CEMIP: variants seen among roughly 807,000 people sequenced by gnomAD.
The protein encoded by CEMIP is cell migration-inducing and hyaluronan-binding protein.
A neutral mutation model predicts 156.9 loss-of-function variants in CEMIP; 105 were observed. The ratio of observed to expected loss-of-function variants is 0.67; its 90% CI spans 0.57 to 0.79. The LOEUF (loss-of-function observed/expected upper bound fraction) is 0.79. CEMIP is among the 30% of genes least tolerant of loss of function. CEMIP has a pLI of 0.00. For synonymous variants in CEMIP, 676 were observed against 668.4 expected (o/e 1.01, Z -0.17); for missense variants, 1,457 against 1,769.4 (o/e 0.82, Z 3.17).
chr15:80,836,158 A>C lies in CEMIP; in HGVS notation c.-175-37380A>C, dbSNP rs1897266541. ...CTTGGAAAATTTCTCCACCCTATCC[A>C]CTGTTAGTGCATTTTCCTGGCCTTA... is the stretch of plus-strand genomic sequence containing the variant. On this transcript the variant is annotated intron_variant, in intron 1 of 29. Coordinates refer to ENST00000394685, the MANE Select transcript of CEMIP (RefSeq NM_001293298.2). 2.0e-5 allele frequency among the ~76,000 whole-genome samples: 3 copies of C among 149,050 alleles called. No homozygotes were observed. In the South Asian group the frequency reaches 6.3e-4, roughly 32 times the overall value.
At chr15:80,918,027 C>T (rs1900336129) in intron 14 of CEMIP, among the ~76,000 whole-genome samples, 1 of 152,148 alleles carries the variant, frequency 6.6e-6, no homozygotes, top group Non-Finnish European at 1.5e-5. Context: ...GTAATCCTAG[C>T]ACTTTGGGAG....
chr15:80,887,138 C>A (rs549027635), intron 7 of CEMIP, among the ~76,000 whole-genome samples: 1 of 152,302 alleles, frequency 6.6e-6, no homozygotes, highest in South Asian at 2.1e-4. Flanking sequence ...GATGGATGTA[C>A]AATTTTTCAA....
chr15:80,860,537 C>A (rs1378562696), intron 1 of CEMIP, among the ~76,000 whole-genome samples: 1 of 152,186 alleles, frequency 6.6e-6, no homozygotes, highest in African/African-American at 2.4e-5. Context: ...TTTATTTAAG[C>A]CAGCACGGCA....
At chr15:80,926,819 TGG>T (rs573787196) in intron 19 of CEMIP, among the ~76,000 whole-genome samples, 261 of 23,298 alleles carry the variant, frequency 0.011, 2 homozygotes, top group African/African-American at 0.021. Context: ...ACTGAGCGGG[TGG>T]GGGGGGGGGG....
chr15:80,909,862 T>G (rs947964346), intron 14 of CEMIP: 34 of 344,882 alleles, frequency 9.9e-5, no homozygotes, highest in East Asian at 8.2e-4. Context: ...GTGAACTACA[T>G]TTCTATCCTC....
At chr15:80,922,294 C>T (rs1395223994) in intron 17 of CEMIP, among the ~76,000 whole-genome samples, 157 bp downstream of exon 17, 5 of 152,230 alleles carry the variant, frequency 3.3e-5, no homozygotes, top group African/African-American at 1.2e-4. Context: ...GCGAGGCCTC[C>T]CAGGCCATTG....
chr15:80,845,608 C>A (rs944632127), intron 1 of CEMIP, among the ~76,000 whole-genome samples: 1 of 152,184 alleles, frequency 6.6e-6, no homozygotes, highest in Non-Finnish European at 1.5e-5. Context: ...CTTCTCTGGT[C>A]TCCTTCTCCT....
intron 1 of CEMIP, among the ~76,000 whole-genome samples, chr15:80,813,295 G>A (rs1266646588): frequency 1.3e-5 from 2 of 151,872 alleles, no homozygotes; most frequent in African/African-American, 2.4e-5. Flanking sequence ...TGTTCAGCAA[G>A]TGTTAGCTGC....
chr15:80,894,222 G>A (rs6650527), intron 10 of CEMIP, among the ~76,000 whole-genome samples: 49 of 152,268 alleles, frequency 3.2e-4, no homozygotes, highest in African/African-American at 1.1e-3. Context: ...GACATTAGGC[G>A]GCTTCCACCT....
At chr15:80,788,297 G>T (rs1213947667) in intron 1 of CEMIP, among the ~76,000 whole-genome samples, 2 of 151,698 alleles carry the variant, frequency 1.3e-5, no homozygotes, top group Non-Finnish European at 2.9e-5. Context: ...ATGGTGAAAT[G>T]CTGTCTCTAC....
Position 80,889,514 on chromosome 15 carries a change from G to C in CEMIP, c.1008G>C (p.Gln336His). Reference sequence around the variant, plus strand: ...GGTTCGATCATGATAAAGTATCTCAGACTAAAGGTGGGGAGAAAATTTCAG... The same window carrying C: ...GGTTCGATCATGATAAAGTATCTCACACTAAAGGTGGGGAGAAAATTTCAG... Reference protein sequence around the residue: ...TEWFDHDKVSQTKGGEKISDL... With the variant: ...TEWFDHDKVSHTKGGEKISDL... Residue 336 changes from glutamine (Q) to histidine (H), a missense_variant, in exon 10 of 30, where the codon CAG becomes CAC. Gln to His is a conservative substitution (Grantham distance 24). Around this residue, in one of 5 missense-constraint regions of CEMIP, gnomAD observed 280 missense variants for 300.3 expected, o/e 0.93. Transcript: ENST00000394685. 1 of 1,614,156 alleles carries C rather than the reference G, an allele frequency of 6.2e-7. No individual in the cohort carries two copies.
At position 80,888,812 on chromosome 15, in the gene CEMIP, C is replaced by G; in HGVS notation, c.964+16C>G. On this transcript the variant is annotated intron_variant, in intron 9 of 29. Transcript: ENST00000394685. ...TGGGTTCAAGGTGAGGAGTTTCAGA[C>G]AATTTGGTGACACCTAACAGTGGGA... The G allele has an allele frequency of 6.3e-7, 1 of 1,598,832 alleles. No individual in the cohort carries two copies. The highest frequency in any genetic ancestry group is 1.3e-5 in the African/African-American group (1 of 74,698).
chr15:80,789,989 A>G (rs1418554829), intron 1 of CEMIP, among the ~76,000 whole-genome samples: 2 of 152,308 alleles, frequency 1.3e-5, no homozygotes, highest in East Asian at 3.9e-4. Context: ...GCAGAGAGGC[A>G]GAGTCACTAT....
chr15:80,857,611 T>G (rs1897884983), intron 1 of CEMIP, among the ~76,000 whole-genome samples: 1 of 152,200 alleles, frequency 6.6e-6, no homozygotes, highest in Non-Finnish European at 1.5e-5. Flanking sequence ...ACCGTGCACA[T>G]TAGTCACTGA....
intron 1 of CEMIP, among the ~76,000 whole-genome samples, chr15:80,854,129 G>C (rs1897782637): frequency 6.6e-6 from 1 of 152,270 alleles, no homozygotes; most frequent in Admixed American, 6.5e-5. Context: ...AGATGACAGT[G>C]CTACCTCCTC....
chr15:80,887,267 G>A (rs1005814351), intron 7 of CEMIP, among the ~76,000 whole-genome samples: 5 of 152,050 alleles, frequency 3.3e-5, no homozygotes, highest in Non-Finnish European at 7.4e-5. Flanking sequence ...TATTTTCCTC[G>A]AGCTCAACTC....
In CEMIP at chr15:80,842,719, C is replaced by T. The variant is rs140233745; in HGVS notation, c.-175-30819C>T. 4.6e-3 allele frequency among the ~76,000 whole-genome samples: 696 copies of T among 151,640 alleles called. 5 individuals carry two copies. The highest frequency in any genetic ancestry group is 0.015 in the African/African-American group (629 of 41,296). On this transcript the variant is annotated intron_variant, in intron 1 of 29. Coordinates refer to ENST00000394685, the MANE Select transcript of CEMIP (RefSeq NM_001293298.2). Reference sequence around the variant, plus strand: ...TGCACTCCAGCCTGGGCAACAAGAGCGAGACTCCATCTCAAAAAAAAAGAG... The same window carrying T: ...TGCACTCCAGCCTGGGCAACAAGAGTGAGACTCCATCTCAAAAAAAAAGAG...
intron 1 of CEMIP, among the ~76,000 whole-genome samples, chr15:80,861,064 G>C (rs1271955750): frequency 6.6e-6 from 1 of 152,026 alleles, no homozygotes; most frequent in Non-Finnish European, 1.5e-5. Context: ...TCTTCCTCCT[G>C]TAACCCCTGT....
chr15:80,836,073 ATT>A (rs55996446), intron 1 of CEMIP, among the ~76,000 whole-genome samples: 10,587 of 134,684 alleles, frequency 0.079, 608 homozygotes, highest in African/African-American at 0.17. Context: ...GACGGAAGTG[ATT>A]TTTTTTTTTT....
Sources: gnomAD v4.1 joint callset for allele counts (sites outside exome capture counted in the v4.1 genomes callset) on GRCh38, gnomAD v4.1.1 for gene constraint, gnomAD v4.1.1 regional missense constraint, MANE v1.5 for transcripts, NCBI Gene and HGNC (gene_info 2026-07-23, HGNC 2026-07-21) for gene names.